The following COL10A1 variants were observed in gnomAD, a reference collection of about 807,000 sequenced individuals.
The protein encoded by COL10A1 is collagen type X alpha 1 chain.
A neutral mutation model predicts 18.2 loss-of-function variants in COL10A1; 10 were observed. That is an observed-to-expected ratio of 0.55 (90% confidence interval 0.34 to 0.93). The LOEUF is 0.93. Ranked by LOEUF, COL10A1 falls within the 40% of genes least tolerant of loss-of-function variation. The pLI, the probability that COL10A1 is intolerant of heterozygous loss-of-function variation, is 0.02. For synonymous variants in COL10A1, 330 were observed against 316.6 expected (o/e 1.04, Z -0.45); for missense variants, 897 against 853.5 (o/e 1.05, Z -0.64).
At position 116,121,761 on chromosome 6, in the gene COL10A1, CTCCTGGTTT is replaced by C. The variant is rs752309759; in HGVS notation, c.346_354del (p.Lys116_Gly118del). On this transcript the variant is annotated inframe_deletion, in exon 3 of 3. Transcript: ENST00000651968. ...CCTTTTGGTCCATATGGTCCTCTCT[CTCCTGGTTT>C]TCCTGGGAGTCCTGGCACACCTGGT... 3 of 1,613,922 alleles carry C rather than the reference CTCCTGGTTT, an allele frequency of 1.9e-6. No homozygotes were observed. In the African/African-American group the frequency reaches 4.0e-5, roughly 22 times the overall value.
chr6:116,130,363 G>T (rs114068999), upstream of COL10A1, among the ~76,000 whole-genome samples: 1 of 152,006 alleles, frequency 6.6e-6, no homozygotes, highest in African/African-American at 2.4e-5. Context: ...TCTTACTATT[G>T]TTCAGAATTT....
intron 2 of COL10A1, among the ~76,000 whole-genome samples, chr6:116,124,897 CTGTT>C (rs1779246925): frequency 6.6e-6 from 1 of 152,022 alleles, no homozygotes; most frequent in Admixed American, 6.6e-5. Context: ...GGTTTTATAT[CTGTT>C]TGTGGGCTAG....
upstream of COL10A1, among the ~76,000 whole-genome samples, chr6:116,163,493 CTTAT>C (rs1436341962): frequency 2.6e-5 from 4 of 151,826 alleles, no homozygotes; most frequent in East Asian, 1.9e-4. Flanking sequence ...TCTGATTGTG[CTTAT>C]TTGAGTCCTC....
chr6:116,158,995 A>G (rs1780270501), upstream of COL10A1, among the ~76,000 whole-genome samples: 1 of 152,206 alleles, frequency 6.6e-6, no homozygotes, highest in South Asian at 2.1e-4. Flanking sequence ...GAATGCTTGC[A>G]TTAGAATAGC....
intron 1 of COL10A1, among the ~76,000 whole-genome samples, chr6:116,153,190 T>G (rs982196180): frequency 1.3e-4 from 20 of 152,106 alleles, no homozygotes; most frequent in African/African-American, 4.3e-4. Context: ...GTAGGGTTAT[T>G]AGAATTAAGA....
chr6:116,149,546 T>C (rs1002097053), intron 1 of COL10A1, among the ~76,000 whole-genome samples: 30 of 152,208 alleles, frequency 2.0e-4, no homozygotes, highest in African/African-American at 7.2e-4. Context: ...ATTTGAATAG[T>C]GAAGTACATA....
upstream of COL10A1, among the ~76,000 whole-genome samples, chr6:116,127,296 CA>C (rs1422015696): frequency 6.6e-6 from 1 of 152,074 alleles, no homozygotes; most frequent in Non-Finnish European, 1.5e-5. Context: ...GTATTTTAAA[CA>C]AAGCCTTGTA....
In COL10A1 at chr6:116,121,979, C is replaced by T. The variant is rs1046636011; in HGVS notation, c.155-18G>A. On this transcript the variant is annotated intron_variant, in intron 2 of 2. Transcript: ENST00000651968. ...TGCTATACCTAAAAGACACACCCAA[C>T]ACACCCACCCATAGAAGGGGATGGT... 1.2e-6 allele frequency: 2 copies of T among 1,603,420 alleles called. No individual in the cohort carries two copies. The highest frequency in any genetic ancestry group is 1.7e-6 in the Non-Finnish European group (2 of 1,175,186).
the COL10A1 span, among the ~76,000 whole-genome samples, chr6:116,201,848 T>A: frequency 6.6e-6 from 1 of 152,068 alleles, no homozygotes; most frequent in African/African-American, 2.4e-5. Context: ...TCTACTTTTT[T>A]AAATGCTCTA....
intron 2 of COL10A1, among the ~76,000 whole-genome samples, chr6:116,123,026 G>T (rs763550958): frequency 2.0e-5 from 3 of 152,122 alleles, no homozygotes; most frequent in Non-Finnish European, 4.4e-5. Flanking sequence ...TTGATATATT[G>T]CAAATAGAGG....
At chr6:116,128,910 T>A (rs1779391960), upstream of COL10A1, among the ~76,000 whole-genome samples, 1 of 152,206 alleles carries the variant, frequency 6.6e-6, no homozygotes, top group South Asian at 2.1e-4. Flanking sequence ...TGTGTTCATA[T>A]GCTTTTTAAA....
the COL10A1 span, among the ~76,000 whole-genome samples, chr6:116,174,774 A>C: frequency 1.3e-5 from 2 of 152,286 alleles, no homozygotes; most frequent in Admixed American, 1.3e-4. Flanking sequence ...GACTCAGTCT[A>C]CAATTCTACC....
the COL10A1 span, among the ~76,000 whole-genome samples, chr6:116,216,971 C>T: frequency 6.6e-6 from 1 of 152,144 alleles, no homozygotes; most frequent in East Asian, 1.9e-4. Context: ...AACAACAGAC[C>T]TTATTTGGAG....
At position 116,121,546 on chromosome 6, in the gene COL10A1, T is replaced by G. The variant is rs1298805118; in HGVS notation, c.570A>C (p.Glu190Asp). Reference protein sequence around the residue: ...GVPGMNGQKGEMGYGAPGRPG... With the variant: ...GVPGMNGQKGDMGYGAPGRPG... ...GACGACCAGGAGCACCATATCCCATTTCCCCTTTCTGTCCATTCATACCAG... is the reference window on the plus strand; with the variant it reads ...GACGACCAGGAGCACCATATCCCATGTCCCCTTTCTGTCCATTCATACCAG... Residue 190 changes from glutamate (E) to aspartate (D), a missense_variant, in exon 3 of 3, where the codon GAA becomes GAC. Physicochemically the swap from Glu to Asp is conservative, Grantham distance 45 (BLOSUM62 2). Transcript: ENST00000651968. The G allele has an allele frequency of 6.2e-7, 1 of 1,613,986 alleles. No homozygotes were observed. Among genetic ancestry groups the G allele is most frequent in the East Asian group, 2.2e-5 (1 of 44,852 alleles).
the COL10A1 span, among the ~76,000 whole-genome samples, chr6:116,207,001 C>T: frequency 6.6e-6 from 1 of 151,212 alleles, no homozygotes; most frequent in Admixed American, 6.6e-5. Flanking sequence ...TGACATCTTT[C>T]CTTTTAAAAA....
chr6:116,204,711 T>G, the COL10A1 span, among the ~76,000 whole-genome samples: 1 of 151,990 alleles, frequency 6.6e-6, no homozygotes, highest in Non-Finnish European at 1.5e-5. Context: ...AAAGTACTGT[T>G]GTATTCATAT....
rs1472069744 is a variant in COL10A1 at position 116,120,745 on chromosome 6, T to C, written c.1371A>G (p.Pro457=). The change falls in exon 3 of 3, where the codon CCA becomes CCG. Residue 457 remains proline (P), a synonymous_variant. Transcript: ENST00000651968. ...TAGACCCAGGGAATCCTGGAATGCC[T>C]GGTGGCCCAATAGGGCCTCTAGTAC... The part of the protein sequence containing the change: ...IPGTRGPIGP[P]GIPGFPGSKG... The C allele has an allele frequency of 6.3e-7, 1 of 1,598,828 alleles. No homozygotes were observed. Among genetic ancestry groups the C allele is most frequent in the Non-Finnish European group, 8.5e-7 (1 of 1,174,078 alleles).
the COL10A1 span, among the ~76,000 whole-genome samples, chr6:116,174,037 GT>G: frequency 6.6e-6 from 1 of 152,132 alleles, no homozygotes; most frequent in South Asian, 2.1e-4. Context: ...TTTGGCTTTT[GT>G]CTGATGGTTT....
At chr6:116,149,785 A>T (rs1392897365) in intron 1 of COL10A1, among the ~76,000 whole-genome samples, 2 of 152,248 alleles carry the variant, frequency 1.3e-5, no homozygotes, top group Non-Finnish European at 2.9e-5. Flanking sequence ...GAAATCAGAC[A>T]GCTTGAAGAT....
Sources: allele counts gnomAD v4.1 joint callset (sites outside exome capture counted in the v4.1 genomes callset), GRCh38; gene constraint gnomAD v4.1.1; transcripts MANE v1.5; gene names NCBI Gene and HGNC (gene_info 2026-07-23, HGNC 2026-07-21).